The following LYG1 variants were observed in gnomAD, a reference collection of about 807,000 sequenced individuals.
The protein encoded by LYG1 is lysozyme g-like protein 1.
In LYG1, 17 loss-of-function variants were observed where a neutral mutation model predicts 21.7. That is an observed-to-expected ratio of 0.78 (90% CI 0.54 to 1.18). The LOEUF is 1.18. Among genes scored for constraint, LYG1 ranks in the 50% most tolerant of loss-of-function variants. The probability of loss-of-function intolerance (pLI) is 0.00; values close to 1 mark genes in which losing one functional copy is unlikely to be tolerated. For missense variants in LYG1, 211 were observed against 238.1 expected (o/e 0.89, Z 0.75); for synonymous variants, 81 against 87.4 (o/e 0.93, Z 0.41).
At position 99,284,464 on chromosome 2, in the gene LYG1, G is replaced by C. The variant is rs113487400; in HGVS notation, c.514C>G (p.Gln172Glu). ...TTGCAGAAGTCACAGCTCAGGTCCT[G>C]GCTGCTTCGGACATAGCCAGCACCC... is the stretch of plus-strand genomic sequence containing the variant. ...SGGAGYVRSS[Q>E]DLSCDFCNDV... The change falls in exon 7 of 7, where the codon CAG becomes GAG. Residue 172 changes from glutamine (Q) to glutamate (E), a missense_variant. Physicochemically the swap from Gln to Glu is conservative, Grantham distance 29. Coordinates refer to ENST00000308528, the MANE Select transcript of LYG1 (RefSeq NM_174898.3). 4,623 of 1,614,180 alleles carry C rather than the reference G, an allele frequency of 2.9e-3. 112 individuals are homozygous for C. In the African/African-American group the frequency reaches 0.051, roughly 18 times the overall value.
intron 2 of LYG1, among the ~76,000 whole-genome samples, chr2:99,297,017 C>T (rs1463786540): frequency 6.6e-6 from 1 of 151,866 alleles, no homozygotes; most frequent in Non-Finnish European, 1.5e-5. Flanking sequence ...GAGCCTGTCT[C>T]AAAAAAGAAA....
Position 99,284,811 on chromosome 2 carries a change from A to G in LYG1, c.343T>C (p.Ser115Pro). 1 of 1,612,834 alleles carries G rather than the reference A, an allele frequency of 6.2e-7. No individual in the cohort carries two copies. The highest frequency in any genetic ancestry group is 8.5e-7 in the Non-Finnish European group (1 of 1,179,860). Residue 115 changes from serine (S) to proline (P), a missense_variant, in exon 6 of 7, where the codon TCT (serine) becomes CCT (proline). Physicochemically the swap from Ser to Pro is moderately conservative, Grantham distance 74. Coordinates refer to ENST00000308528, the MANE Select transcript of LYG1 (RefSeq NM_174898.3). ...CTAATCCAGGATGTGGGAGCTTGAG[A>G]GCCAGGGTCCTGCAGGGAAGGAGGC... is the stretch of plus-strand genomic sequence containing the variant. ...DRTSMVQDPG[S>P]QAPTSWISES...
intron 5 of LYG1, among the ~76,000 whole-genome samples, chr2:99,290,202 A>G (rs1268177444): frequency 6.6e-6 from 1 of 152,194 alleles, no homozygotes; most frequent in South Asian, 2.1e-4. Flanking sequence ...AAATGGACTC[A>G]TCCTTTCCTC....
At chr2:99,284,539 G>A (rs1480454322) in intron 6 of LYG1, 28 bp from the exon 7 acceptor site, 2 of 1,605,944 alleles carry the variant, frequency 1.2e-6, no homozygotes, top group Admixed American at 1.7e-5. Flanking sequence ...GGTTAATGCT[G>A]ACCTAGGGTA....
At chr2:99,297,796 C>A (rs1410809411) in intron 2 of LYG1, among the ~76,000 whole-genome samples, 1 of 152,170 alleles carries the variant, frequency 6.6e-6, no homozygotes, top group Non-Finnish European at 1.5e-5. Context: ...CTCACTGCAG[C>A]CTTGACCTCC....
At chr2:99,300,235 C>G (rs2094150337) in intron 1 of LYG1, among the ~76,000 whole-genome samples, 1 of 152,034 alleles carries the variant, frequency 6.6e-6, no homozygotes, top group Admixed American at 6.5e-5. Context: ...TCAATAATTA[C>G]CAGCCTAGAA....
At chr2:99,301,496 A>AGAAG (rs1275291140), upstream of LYG1, among the ~76,000 whole-genome samples, 15 of 92,286 alleles carry the variant, frequency 1.6e-4, 1 homozygote, top group African/African-American at 5.3e-4. Context: ...AAGAAAAGGA[A>AGAAG]GAAGGAAGGA....
At chr2:99,285,861 C>A (rs539749142) in intron 5 of LYG1, among the ~76,000 whole-genome samples, 1 of 152,170 alleles carries the variant, frequency 6.6e-6, no homozygotes, top group Non-Finnish European at 1.5e-5. Flanking sequence ...GCCATTTATA[C>A]CTGTTAGAAT....
At chr2:99,299,277 T>A (rs989015384) in intron 1 of LYG1, among the ~76,000 whole-genome samples, 4 of 149,452 alleles carry the variant, frequency 2.7e-5, no homozygotes, top group African/African-American at 9.8e-5. Context: ...TTTCTTTTTC[T>A]TTTTTTCTTT....
intron 2 of LYG1, among the ~76,000 whole-genome samples, chr2:99,297,907 G>C (rs2094141591): frequency 6.6e-6 from 1 of 152,114 alleles, no homozygotes; most frequent in Admixed American, 6.6e-5. Context: ...GTAGAAATGG[G>C]TCTCACTATG....
rs2094090545 is a variant in LYG1, at chr2:99,284,443, A to G, written c.535T>C (p.Cys179Arg). 6.2e-7 allele frequency: 1 copy of G among 1,614,226 alleles called. No individual in the cohort carries two copies. Among genetic ancestry groups the G allele is most frequent in the Admixed American group, 1.7e-5 (1 of 60,026 alleles). ...RSSQDLSCDF[C>R]NDVLARAKYL... is the part of the protein sequence containing the mutation. ...TTGGCTCGTGCAAGGACATCATTGC[A>G]GAAGTCACAGCTCAGGTCCTGGCTG... Residue 179 changes from cysteine to arginine, a missense_variant, in exon 7 of 7, where the codon TGC becomes CGC. Cys to Arg is a radical substitution (Grantham distance 180, BLOSUM62 -3). Transcript: ENST00000308528.
At chr2:99,285,496 G>C (rs1376876627) in intron 5 of LYG1, among the ~76,000 whole-genome samples, 1 of 152,110 alleles carries the variant, frequency 6.6e-6, no homozygotes, top group South Asian at 2.1e-4. Flanking sequence ...TATGCTCATT[G>C]TAAGAGTGAA....
At chr2:99,292,511 T>G in intron 4 of LYG1, 25 bp downstream of exon 4, 135 of 1,552,592 alleles carry the variant, frequency 8.7e-5, no homozygotes, top group Non-Finnish European at 1.1e-4. Context: ...GGGGATAGGT[T>G]GAGAGGGCGA....
At chr2:99,287,917 C>A (rs1326483405) in intron 5 of LYG1, among the ~76,000 whole-genome samples, 3 of 151,930 alleles carry the variant, frequency 2.0e-5, no homozygotes, top group Non-Finnish European at 4.4e-5. Context: ...ATAATTACAT[C>A]CCCCTCATTT....
chr2:99,295,677 G>C lies in LYG1; in HGVS notation c.-7C>G. 6.2e-7 allele frequency: 1 copy of C among 1,614,064 alleles called. No individual in the cohort carries two copies. The highest frequency in any genetic ancestry group is 8.5e-7 in the Non-Finnish European group (1 of 1,180,008). On this transcript the variant is annotated 5_prime_UTR_variant, in exon 3 of 7. In the 5' UTR this introduces an upstream ATG that the reference lacks. Transcript: ENST00000308528. ...GCAGCCACAATGCAGACATGATGAC[G>C]ATCTGGCTCTACGGCTCCTGAAACA...
intron 4 of LYG1, among the ~76,000 whole-genome samples, chr2:99,292,123 C>G (rs550841000): frequency 6.6e-6 from 1 of 152,078 alleles, no homozygotes; most frequent in East Asian, 1.9e-4. Flanking sequence ...CCCATCTCTA[C>G]TAAAAATACA....
At chr2:99,300,442 CA>C (rs2094150818) in intron 1 of LYG1, among the ~76,000 whole-genome samples, 4 of 152,176 alleles carry the variant, frequency 2.6e-5, no homozygotes, top group Non-Finnish European at 4.4e-5. Flanking sequence ...TTTCCTTCTG[CA>C]CAGAGCAAAT....
At chr2:99,301,911 T>C (rs1055875302), upstream of LYG1, among the ~76,000 whole-genome samples, 21 of 151,914 alleles carry the variant, frequency 1.4e-4, no homozygotes, top group Non-Finnish European at 1.5e-4. Flanking sequence ...CATCAATAAG[T>C]ACTTTGAGAG....
chr2:99,285,695 C>T (rs2105288399), intron 5 of LYG1, among the ~76,000 whole-genome samples: 1 of 152,316 alleles, frequency 6.6e-6, no homozygotes, highest in East Asian at 1.9e-4. Context: ...TCACATGAGG[C>T]TGTCTCATTC....
Sources: gnomAD v4.1 joint callset for allele counts (sites outside exome capture counted in the v4.1 genomes callset) on GRCh38, gnomAD v4.1.1 for gene constraint, MANE v1.5 for transcripts, NCBI Gene and HGNC (gene_info 2026-07-23, HGNC 2026-07-21) for gene names.